The following ESRRB variants were observed in gnomAD, a reference collection of about 807,000 sequenced individuals.
ESRRB encodes estrogen related receptor beta.
Under a neutral mutation model 46.0 loss-of-function variants are expected in ESRRB, and 16 were observed. The observed-to-expected ratio is 0.35, with a 90% CI of 0.24 to 0.53. The LOEUF (loss-of-function observed/expected upper bound fraction) is 0.53. Ranked by LOEUF, ESRRB falls within the 20% of genes least tolerant of loss-of-function variation. The pLI, the probability that ESRRB is intolerant of heterozygous loss-of-function variation, is 0.93. For missense variants in ESRRB, 488 were observed against 607.4 expected, an observed-to-expected ratio of 0.80 and a Z score of 2.07; for synonymous variants, 246 against 259.6, an observed-to-expected ratio of 0.95 and a Z score of 0.50.
chr14:76,425,299 A>AT (rs1021654097), intron 1 of ESRRB, among the ~76,000 whole-genome samples: 2 of 152,152 alleles, frequency 1.3e-5, no homozygotes, highest in African/African-American at 4.8e-5. Context: ...TTTTATTTTT[A>AT]TTTTTATTTT....
At chr14:76,420,821 A>G (rs995272578) in intron 1 of ESRRB, among the ~76,000 whole-genome samples, 8 of 152,198 alleles carry the variant, frequency 5.3e-5, no homozygotes, top group Admixed American at 5.2e-4. Context: ...ATCCACCTCA[A>G]AGTTTCTAAA....
chr14:76,347,440 A>ATGTGTGTCTAATT lies in ESRRB; in HGVS notation c.2+36524_2+36525insTGTGTGTCTAATT, dbSNP rs1884265498. 9.5e-4 allele frequency among the ~76,000 whole-genome samples: 32 copies of ATGTGTGTCTAATT among 33,754 alleles called. 2 individuals are homozygous for ATGTGTGTCTAATT. Among genetic ancestry groups the ATGTGTGTCTAATT allele is most frequent in the African/African-American group, 2.2e-3 (31 of 14,080 alleles). 22.1% of individuals were successfully genotyped at this position (33,754 alleles called of 152,430 possible). ...GTGTGTGTGTGTGTGTGTGTCACAC[A>ATGTGTGTCTAATT]CACACACCGAGAAAACTAAATGAGA... is the stretch of plus-strand genomic sequence containing the variant. On this transcript the variant is annotated intron_variant, in intron 1 of 6. Coordinates refer to the ESRRB transcript ENST00000512784.
At chr14:76,339,318 G>A (rs757448943) in intron 1 of ESRRB, among the ~76,000 whole-genome samples, 36 of 152,050 alleles carry the variant, frequency 2.4e-4, no homozygotes, top group Non-Finnish European at 4.6e-4. Flanking sequence ...TCTCCATAAC[G>A]GGGATACTAC....
At chr14:76,445,661 C>T (rs1043165301) in intron 2 of ESRRB, among the ~76,000 whole-genome samples, 14 of 150,554 alleles carry the variant, frequency 9.3e-5, no homozygotes, top group Admixed American at 7.9e-4. Context: ...AGACTAAGAC[C>T]GAGTCATTCC....
At chr14:76,332,630 T>A (rs1417166516) in intron 1 of ESRRB, among the ~76,000 whole-genome samples, 17 of 38,030 alleles carry the variant, frequency 4.5e-4, no homozygotes, top group Admixed American at 3.5e-3. Context: ...TAAATATATA[T>A]TATATATATT....
At chr14:76,472,734 G>A (rs1387168729) in intron 3 of ESRRB, among the ~76,000 whole-genome samples, 1 of 152,214 alleles carries the variant, frequency 6.6e-6, no homozygotes, top group Non-Finnish European at 1.5e-5. Flanking sequence ...GAACCTCAGG[G>A]GCTCATGATA....
In ESRRB at chr14:76,500,160, G is replaced by GAC; in HGVS notation, c.*1702_*1703insAC. 9.4e-7 allele frequency: 1 copy of GAC among 1,066,082 alleles called. No homozygotes were observed. The highest frequency in any genetic ancestry group is 1.4e-6 in the Non-Finnish European group (1 of 733,946). 66.0% of individuals were successfully genotyped at this position (1,066,082 alleles called of 1,614,324 possible). A position where few individuals can be genotyped will look rare whatever the true frequency, so the allele number is the denominator to read the frequency against. On this transcript the variant is annotated 3_prime_UTR_variant, in exon 7 of 7. Transcript: ENST00000644823. ...GGCCTGGGCTTCTGGGCTGGGACGT[G>GAC]CTGAGGTCATCCCAGACAGGAGGGA...
chr14:76,442,241 C>T (rs979768106), intron 2 of ESRRB, among the ~76,000 whole-genome samples: 1 of 152,074 alleles, frequency 6.6e-6, no homozygotes, highest in Admixed American at 6.6e-5. Context: ...TTCAGGAAGC[C>T]GAGGAGGGTG....
At chr14:76,439,142 C>T (rs1381771189) in intron 1 of ESRRB, among the ~76,000 whole-genome samples, 199 bp from the exon 2 acceptor site, 1 of 152,338 alleles carries the variant, frequency 6.6e-6, no homozygotes, top group Middle Eastern at 3.4e-3. Context: ...TCTTTGAGGC[C>T]TCCGAAGGTT....
chr14:76,460,735 CTT>C (rs963604552), intron 2 of ESRRB, among the ~76,000 whole-genome samples: 1 of 115,408 alleles, frequency 8.7e-6, no homozygotes, highest in African/African-American at 4.3e-5. Context: ...GAGTTTTGCT[CTT>C]GTCACCCAGG....
intron 5 of ESRRB, among the ~76,000 whole-genome samples, chr14:76,485,233 ATTTTTTTTTTTTT>A (rs34504939): frequency 3.3e-5 from 3 of 91,858 alleles, no homozygotes; most frequent in African/African-American, 4.2e-5. Flanking sequence ...CAAATGCCTG[ATTTTTTTTTTTTT>A]TTTTTTTTTT....
intron 1 of ESRRB, among the ~76,000 whole-genome samples, chr14:76,346,379 C>T (rs995019247): frequency 6.6e-6 from 1 of 152,178 alleles, no homozygotes; most frequent in Non-Finnish European, 1.5e-5. Flanking sequence ...TCTCTAAATC[C>T]CCAAAGGCCA....
intron 1 of ESRRB, among the ~76,000 whole-genome samples, chr14:76,337,247 C>G (rs186068832): frequency 6.6e-6 from 1 of 152,262 alleles, no homozygotes; most frequent in East Asian, 1.9e-4. Context: ...CCGAGACTCT[C>G]CTGGGGCTGA....
chr14:76,448,219 G>A lies in ESRRB; in HGVS notation c.460+8469G>A, dbSNP rs75651769. Among the ~76,000 whole-genome samples, 951 of 151,724 alleles carry A rather than the reference G, an allele frequency of 6.3e-3. 8 individuals are homozygous for A. The highest frequency in any genetic ancestry group is 0.022 in the African/African-American group (913 of 41,350). On this transcript the variant is annotated intron_variant, in intron 2 of 6. Coordinates refer to ENST00000644823, the MANE Select transcript of ESRRB (RefSeq NM_001379180.1). The stretch of plus-strand genomic sequence containing the variant: ...CATTCCTCCTGGATGCCCTGCAAAG[G>A]TTCGCCCATCACGCCACCCTTCTCC...
At chr14:76,311,719 A>C (rs1003512544) in intron 1 of ESRRB, among the ~76,000 whole-genome samples, 1 of 152,214 alleles carries the variant, frequency 6.6e-6, no homozygotes, top group Non-Finnish European at 1.5e-5. Context: ...GAAGAAACTT[A>C]ATATCGTGAG....
At chr14:76,453,143 T>C (rs1888463357) in intron 2 of ESRRB, among the ~76,000 whole-genome samples, 1 of 152,242 alleles carries the variant, frequency 6.6e-6, no homozygotes, top group Non-Finnish European at 1.5e-5. Flanking sequence ...GAACTGGTGT[T>C]CGAGAGAAAG....
chr14:76,471,993 G>C (rs1214127867), intron 3 of ESRRB, among the ~76,000 whole-genome samples: 1 of 152,188 alleles, frequency 6.6e-6, no homozygotes, highest in Non-Finnish European at 1.5e-5. Context: ...TCTTTGCCAT[G>C]CCTGATCTGG....
At chr14:76,393,269 C>A (rs113044882) in intron 1 of ESRRB, among the ~76,000 whole-genome samples, 3,931 of 152,194 alleles carry the variant, frequency 0.026, 95 homozygotes, top group Admixed American at 0.072. Flanking sequence ...CCCTAGAGAC[C>A]TATTGCCTGG....
intron 6 of ESRRB, 109 bp downstream of exon 6, chr14:76,491,825 A>T (rs1183986614): frequency 1.6e-6 from 2 of 1,289,290 alleles, no homozygotes; most frequent in Non-Finnish European, 2.1e-6. Flanking sequence ...GATAGAGATG[A>T]AAGGAAAACA....
Sources: allele counts gnomAD v4.1 joint callset (sites outside exome capture counted in the v4.1 genomes callset), GRCh38; gene constraint gnomAD v4.1.1; transcripts MANE v1.5; gene names NCBI Gene and HGNC (gene_info 2026-07-23, HGNC 2026-07-21).